The following PDE1C variants were observed in gnomAD, a reference collection of about 807,000 sequenced individuals.
PDE1C encodes the protein phosphodiesterase 1C.
Under a neutral mutation model 93.1 loss-of-function variants are expected in PDE1C, and 62 were observed. The ratio of observed to expected loss-of-function variants is 0.67; its 90% CI spans 0.54 to 0.82. The LOEUF (loss-of-function observed/expected upper bound fraction) is 0.82. Among genes scored for constraint, PDE1C ranks in the 40% least tolerant of loss-of-function variants. The pLI is 0.00. For missense variants in PDE1C, 742 were observed against 884.6 expected, an observed-to-expected ratio of 0.84 and a Z score of 2.04; for synonymous variants, 325 against 310.1, an observed-to-expected ratio of 1.05 and a Z score of -0.50.
At chr7:31,828,271 C>T (rs1331551372) in intron 12 of PDE1C, 21 bp downstream of exon 12, 1 of 1,602,366 alleles carries the variant, frequency 6.2e-7, no homozygotes, top group Non-Finnish European at 8.5e-7. Context: ...TGCTTCTATC[C>T]AAAGAGCTGC....
At position 32,329,789 on chromosome 7, in the gene PDE1C, AGT is replaced by A. The variant is rs565290735; in HGVS notation, c.310+98031_310+98032del. Among the ~76,000 whole-genome samples the A allele has an allele frequency of 2.4e-4, 36 of 152,258 alleles. No individual in the cohort carries two copies. The East Asian group carries it at 4.8e-3, about 20-fold the overall frequency. ...CTCAGGAGAGGACTTGGTTGAAACT[AGT>A]GTATACAGAAGGGAATGTGGGGTTT... On this transcript the variant is annotated intron_variant, in intron 1 of 1. Coordinates refer to the PDE1C transcript ENST00000672256.
At chr7:31,869,574 C>T (rs1795685060) in intron 6 of PDE1C, among the ~76,000 whole-genome samples, 1 of 151,984 alleles carries the variant, frequency 6.6e-6, no homozygotes, top group Non-Finnish European at 1.5e-5. Flanking sequence ...GAGGATATAA[C>T]ATTTCTAAAC....
intron 1 of PDE1C, among the ~76,000 whole-genome samples, chr7:32,236,096 A>C (rs1402841835): frequency 6.6e-6 from 1 of 152,166 alleles, no homozygotes; most frequent in Non-Finnish European, 1.5e-5. Context: ...ATACCAAAAA[A>C]AATTAACCTA....
chr7:32,170,617 T>C (rs943289962), intron 2 of PDE1C, among the ~76,000 whole-genome samples: 1 of 152,156 alleles, frequency 6.6e-6, no homozygotes, highest in East Asian at 1.9e-4. Context: ...CACTTTTGCT[T>C]TGTGTATTAG....
At chr7:32,058,105 C>G (rs1031092469) in intron 1 of PDE1C, among the ~76,000 whole-genome samples, 1 of 152,178 alleles carries the variant, frequency 6.6e-6, no homozygotes, top group Non-Finnish European at 1.5e-5. Context: ...CACAAGATTT[C>G]CTGGTATGGG....
intron 2 of PDE1C, among the ~76,000 whole-genome samples, chr7:32,048,870 T>C (rs1462145209): frequency 6.6e-6 from 1 of 152,154 alleles, no homozygotes; most frequent in Non-Finnish European, 1.5e-5. Flanking sequence ...TTCAACATAA[T>C]TGGTTTATTT....
chr7:32,420,493 G>T (rs1209739245), intron 1 of PDE1C, among the ~76,000 whole-genome samples: 9 of 148,760 alleles, frequency 6.1e-5, no homozygotes, highest in African/African-American at 2.2e-4. Context: ...GGTGGAGGTT[G>T]CAGTCAACCG....
chr7:31,815,568 G>A (rs1370624032), intron 15 of PDE1C, among the ~76,000 whole-genome samples: 5 of 152,138 alleles, frequency 3.3e-5, no homozygotes, highest in African/African-American at 1.2e-4. Context: ...CTCATAGAGC[G>A]ATGGTATATA....
rs117663887 is a variant in PDE1C, at chr7:32,360,500, C to T, written c.310+67322G>A. 7.4e-3 allele frequency among the ~76,000 whole-genome samples: 1,125 copies of T among 152,228 alleles called. 5 individuals carry two copies. The highest frequency in any genetic ancestry group is 0.013 in the Non-Finnish European group (856 of 68,008). On this transcript the variant is annotated intron_variant, in intron 1 of 1. Transcript: ENST00000672256. ...AAGGGAAGCGGTGGAGAGTGTGCAG[C>T]GCTGCTCTGGTTCTTGTCCATTCAG...
At chr7:32,384,640 G>A (rs1562700537) in intron 1 of PDE1C, among the ~76,000 whole-genome samples, 1 of 152,188 alleles carries the variant, frequency 6.6e-6, no homozygotes, top group Non-Finnish European at 1.5e-5. Context: ...TGGGTACACA[G>A]GGACTAGAGC....
At chr7:32,390,442 ACT>A (rs1358280924) in intron 1 of PDE1C, among the ~76,000 whole-genome samples, 1 of 150,904 alleles carries the variant, frequency 6.6e-6, no homozygotes, top group Non-Finnish European at 1.5e-5. Context: ...GCTACTAAAC[ACT>A]CTACAATGCA....
At chr7:31,740,490 A>G in the PDE1C span, among the ~76,000 whole-genome samples, 1 of 152,162 alleles carries the variant, frequency 6.6e-6, no homozygotes, top group Non-Finnish European at 1.5e-5. Flanking sequence ...TCTCCAACTC[A>G]AGTAGTTTCC....
chr7:31,906,123 A>G (rs2128928822), intron 2 of PDE1C, among the ~76,000 whole-genome samples: 1 of 152,326 alleles, frequency 6.6e-6, no homozygotes, highest in African/African-American at 2.4e-5. Context: ...AGACTAATAC[A>G]CTAGCAGTTT....
At chr7:32,387,469 C>A (rs1299473711) in intron 1 of PDE1C, among the ~76,000 whole-genome samples, 1 of 151,558 alleles carries the variant, frequency 6.6e-6, no homozygotes, top group Non-Finnish European at 1.5e-5. Flanking sequence ...AAGCGCCCCT[C>A]ACCTCCTGGA....
At chr7:31,744,022 G>C in the PDE1C span, among the ~76,000 whole-genome samples, 5 of 152,304 alleles carry the variant, frequency 3.3e-5, no homozygotes, top group African/African-American at 1.2e-4. Context: ...TTCTCTAGAA[G>C]AGACAGGCGG....
chr7:32,136,084 G>A (rs544194157), intron 3 of PDE1C, among the ~76,000 whole-genome samples: 1 of 152,182 alleles, frequency 6.6e-6, no homozygotes, highest in Non-Finnish European at 1.5e-5. Context: ...CATAGAACCA[G>A]AGAGTAGAAT....
chr7:31,623,185 A>G, the PDE1C span, among the ~76,000 whole-genome samples: 3 of 152,104 alleles, frequency 2.0e-5, no homozygotes, highest in Non-Finnish European at 4.4e-5. Context: ...ACAAGGAGGA[A>G]CTGGTACCAT....
chr7:32,109,735 T>C (rs1009609281), intron 3 of PDE1C, among the ~76,000 whole-genome samples: 3 of 152,120 alleles, frequency 2.0e-5, no homozygotes, highest in Non-Finnish European at 4.4e-5. Flanking sequence ...CTGCTCTCTC[T>C]GCTTGGTAGA....
chr7:31,637,443 A>G, the PDE1C span, among the ~76,000 whole-genome samples: 2 of 152,058 alleles, frequency 1.3e-5, no homozygotes, highest in Non-Finnish European at 2.9e-5. Context: ...CTGGTGTGAG[A>G]TGGTATCTCA....
Sources: allele counts gnomAD v4.1 joint callset (sites outside exome capture counted in the v4.1 genomes callset), GRCh38; gene constraint gnomAD v4.1.1; transcripts MANE v1.5; gene names NCBI Gene and HGNC (gene_info 2026-07-23, HGNC 2026-07-21).